Variants in DEAF1 observed in about 807,000 individuals in gnomAD.
The protein encoded by DEAF1 is deformed epidermal autoregulatory factor 1 homolog.
DEAF1 carries 53 observed loss-of-function variants against 58.9 expected under a neutral mutation model. That is an observed-to-expected ratio of 0.90 (90% CI 0.72 to 1.13). The LOEUF is 1.13. DEAF1 is among the 50% of genes most tolerant of loss of function. DEAF1 has a pLI of 0.00. For synonymous variants in DEAF1, 385 were observed against 340.4 expected (o/e 1.13, Z -1.44); for missense variants, 685 against 791.4 (o/e 0.87, Z 1.61).
chr11:702,979 G>A (rs759571254), intron 1 of DEAF1: 80 of 1,610,058 alleles, frequency 5.0e-5, no homozygotes, highest in South Asian at 3.6e-4. Flanking sequence ...CTGAGAGGCC[G>A]CTGGCCGCCA....
chr11:684,282 G>C (rs765950247), intron 6 of DEAF1, among the ~76,000 whole-genome samples: 2 of 152,186 alleles, frequency 1.3e-5, no homozygotes, highest in Non-Finnish European at 2.9e-5. Context: ...GCTGGGCATT[G>C]TGGCACATGC....
chr11:676,740 G>A (rs1860097228), intron 9 of DEAF1, among the ~76,000 whole-genome samples: 1 of 152,106 alleles, frequency 6.6e-6, no homozygotes, highest in Non-Finnish European at 1.5e-5. Flanking sequence ...CTGACCTCAG[G>A]TGATCCACCC....
chr11:663,316 C>T (rs1002464358), intron 10 of DEAF1, among the ~76,000 whole-genome samples: 1 of 152,180 alleles, frequency 6.6e-6, no homozygotes, highest in Admixed American at 6.5e-5. Context: ...GACGTGGTGG[C>T]GCGTGCCTGT....
At chr11:703,399 G>A (rs932616766) in intron 1 of DEAF1, 3 of 1,347,362 alleles carry the variant, frequency 2.2e-6, no homozygotes, top group South Asian at 2.1e-5. Flanking sequence ...CCTTCAAGAT[G>A]AGTCCCAGGA....
chr11:695,121 G>A lies in DEAF1; in HGVS notation c.-74C>T. On this transcript the variant is annotated 5_prime_UTR_variant, in exon 1 of 12. Transcript: ENST00000382409. ...GCGCCGGTCGCGGAGCCCGAAGCGG[G>A]GCCCGAAGAGGACGCCCGAGCTGGG... The A allele has an allele frequency of 1.5e-6, 2 of 1,323,582 alleles. No homozygotes were observed. The highest frequency in any genetic ancestry group is 3.3e-5 in the East Asian group (1 of 30,148). 82.0% of individuals were successfully genotyped at this position (1,323,582 alleles called of 1,614,324 possible).
At chr11:667,391 A>AGG (rs1859594259) in intron 10 of DEAF1, among the ~76,000 whole-genome samples, 27 of 100,714 alleles carry the variant, frequency 2.7e-4, no homozygotes, top group African/African-American at 7.7e-4. Flanking sequence ...AAGGAAGGAG[A>AGG]GAGGGAGGGA....
chr11:695,735 T>C, upstream of DEAF1: 1 of 1,240,546 alleles, frequency 8.1e-7, no homozygotes, highest in Non-Finnish European at 1.0e-6. Context: ...TCGGGCCCCT[T>C]CGTCAGGAGA....
intron 10 of DEAF1, among the ~76,000 whole-genome samples, chr11:673,056 G>A (rs1399341476): frequency 6.7e-6 from 1 of 150,372 alleles, no homozygotes; most frequent in African/African-American, 2.4e-5. Flanking sequence ...GGCTGAGGCA[G>A]GATAATTGCT....
chr11:700,846 G>A, intron 1 of DEAF1: 1 of 812,104 alleles, frequency 1.2e-6, no homozygotes, highest in South Asian at 1.4e-5. Flanking sequence ...TGCTTTGCAG[G>A]CTCACCTTAC....
At chr11:696,144 G>A (rs539521964), upstream of DEAF1, among the ~76,000 whole-genome samples, 2 of 152,322 alleles carry the variant, frequency 1.3e-5, no homozygotes, top group South Asian at 2.1e-4. Flanking sequence ...TGGTTTTTGT[G>A]AAGACACGTG....
chr11:704,537 CAGA>C (rs1861635837), intron 1 of DEAF1: 1 of 1,289,330 alleles, frequency 7.8e-7, no homozygotes, highest in African/African-American at 1.5e-5. Context: ...CCTGCACTCG[CAGA>C]AGACCAGCTG....
Position 691,550 on chromosome 11 carries a change from A to C in DEAF1, c.338T>G (p.Val113Gly). 6.2e-7 allele frequency: 1 copy of C among 1,613,832 alleles called. No individual in the cohort carries two copies. Among genetic ancestry groups the C allele is most frequent in the Non-Finnish European group, 8.5e-7 (1 of 1,180,014 alleles). The stretch of plus-strand genomic sequence containing the variant: ...CGCGTTCGCCACAGACGTGGTGAAG[A>C]CATTGTCTGCAGCAGCCCCCACGTT... The part of the protein sequence containing the change: ...VANVGAAADN[V>G]FTTSVANAAS... Residue 113 changes from valine to glycine, a missense_variant, in exon 2 of 12, where the codon GTC becomes GGC. Coordinates refer to ENST00000382409, the MANE Select transcript of DEAF1 (RefSeq NM_021008.4).
At chr11:676,852 C>T (rs1023203387) in intron 9 of DEAF1, among the ~76,000 whole-genome samples, 1 of 152,120 alleles carries the variant, frequency 6.6e-6, no homozygotes, top group African/African-American at 2.4e-5. Flanking sequence ...TAGCACAAAC[C>T]CTGAGGTTCT....
chr11:695,844 G>GAT, upstream of DEAF1: 1 of 1,229,842 alleles, frequency 8.1e-7, no homozygotes, highest in Non-Finnish European at 1.0e-6. Flanking sequence ...GCCCCGCGGC[G>GAT]AGGTGAGCTC....
chr11:686,764 AC>A, intron 5 of DEAF1, 93 bp downstream of exon 5: 2 of 1,558,748 alleles, frequency 1.3e-6, no homozygotes, highest in Non-Finnish European at 1.8e-6. Flanking sequence ...CATTTGTCTG[AC>A]CCCGTGGTCT....
intron 1 of DEAF1, chr11:704,842 C>CG: frequency 8.1e-6 from 3 of 371,316 alleles, no homozygotes; most frequent in Non-Finnish European, 1.5e-5. Flanking sequence ...ACCCCACCCC[C>CG]CAGCTGTCCT....
Position 686,935 on chromosome 11 carries a change from T to C in DEAF1, c.727A>G (p.Met243Val), listed in dbSNP as rs71469813. Residue 243 changes from methionine to valine, a missense_variant, in exon 5 of 12, where the codon ATG becomes GTG. Met to Val is a conservative substitution (Grantham distance 21). This residue lies in a region of DEAF1 where 132 missense variants were observed against 234.3 expected (regional missense o/e 0.56). Coordinates refer to ENST00000382409, the MANE Select transcript of DEAF1 (RefSeq NM_021008.4). Reference sequence around the variant, plus strand: ...TCCTTACTGCTGGCTCTTCCTGCCATGGCCTCAAACTCGGTGGGACTGTAC... The same window carrying C: ...TCCTTACTGCTGGCTCTTCCTGCCACGGCCTCAAACTCGGTGGGACTGTAC... The part of the protein sequence containing the change: ...NWYSPTEFEA[M>V]AGRASSKDWK... 4.8e-3 allele frequency: 7,817 copies of C among 1,614,250 alleles called. 19 individuals are homozygous for C. The highest frequency in any genetic ancestry group is 6.0e-3 in the Non-Finnish European group (7,125 of 1,180,040).
chr11:704,367 G>A (rs1340943107), intron 1 of DEAF1: 1 of 1,064,548 alleles, frequency 9.4e-7, no homozygotes, highest in Non-Finnish European at 1.3e-6. Context: ...AGTCTTTCCT[G>A]CCTGTCTTCG....
At chr11:655,004 G>A (rs568638071) in intron 10 of DEAF1, among the ~76,000 whole-genome samples, 1 of 151,718 alleles carries the variant, frequency 6.6e-6, no homozygotes, top group East Asian at 1.9e-4. Flanking sequence ...CCCCGAGATT[G>A]TACCATTGCA....
Sources: allele counts gnomAD v4.1 joint callset (sites outside exome capture counted in the v4.1 genomes callset), GRCh38; gene constraint gnomAD v4.1.1; regional missense constraint gnomAD v4.1.1; transcripts MANE v1.5; gene names NCBI Gene and HGNC (gene_info 2026-07-23, HGNC 2026-07-21).